The following GALNT13 variants were observed in gnomAD, a reference collection of about 807,000 sequenced individuals.
GALNT13 encodes polypeptide N-acetylgalactosaminyltransferase 13.
Under a neutral mutation model 64.2 loss-of-function variants are expected in GALNT13, and 28 were observed. That is an observed-to-expected ratio of 0.44 (90% confidence interval 0.32 to 0.60). The LOEUF (loss-of-function observed/expected upper bound fraction) is 0.60. GALNT13 is among the 20% of genes least tolerant of loss of function. The pLI is 0.05. For missense variants in GALNT13, 577 were observed against 669.8 expected, an observed-to-expected ratio of 0.86 and a Z score of 1.53; for synonymous variants, 214 against 224.6, an observed-to-expected ratio of 0.95 and a Z score of 0.42.
At chr2:154,058,312 TG>T (rs1229470846) in intron 3 of GALNT13, among the ~76,000 whole-genome samples, 2 of 152,184 alleles carry the variant, frequency 1.3e-5, no homozygotes, top group African/African-American at 4.8e-5. Context: ...AAATTTCTGT[TG>T]TAAAAGCCAC....
At chr2:153,239,971 T>C in the GALNT13 span, among the ~76,000 whole-genome samples, 6 of 152,164 alleles carry the variant, frequency 3.9e-5, no homozygotes, top group Non-Finnish European at 4.4e-5. Flanking sequence ...ACAGGGAGAC[T>C]TTGTGTTACA....
the GALNT13 span, among the ~76,000 whole-genome samples, chr2:153,392,321 A>C: frequency 1.3e-5 from 2 of 151,804 alleles, no homozygotes; most frequent in African/African-American, 4.8e-5. Flanking sequence ...CACTAAGAAA[A>C]AAAATGAAAT....
chr2:154,269,602 A>C (rs984746676), intron 8 of GALNT13, among the ~76,000 whole-genome samples: 9 of 151,788 alleles, frequency 5.9e-5, no homozygotes, highest in Admixed American at 4.6e-4. Context: ...ATGTGTGTGT[A>C]GTCTCCACAA....
chr2:153,122,443 G>A, the GALNT13 span, among the ~76,000 whole-genome samples: 3 of 152,126 alleles, frequency 2.0e-5, no homozygotes, highest in Non-Finnish European at 4.4e-5. Flanking sequence ...GTTCAGAGTC[G>A]ATTTACAGTC....
chr2:153,306,021 G>A, the GALNT13 span, among the ~76,000 whole-genome samples: 9 of 152,176 alleles, frequency 5.9e-5, no homozygotes, highest in East Asian at 1.5e-3. Context: ...GCACCCAGTC[G>A]AGCATGTGGC....
upstream of GALNT13, among the ~76,000 whole-genome samples, chr2:153,869,629 A>G (rs1310419535): frequency 6.6e-6 from 1 of 152,134 alleles, no homozygotes; most frequent in Non-Finnish European, 1.5e-5. Context: ...TGGTCCCATT[A>G]TTGGTGACTT....
At chr2:154,179,220 T>A (rs1685822624) in intron 4 of GALNT13, among the ~76,000 whole-genome samples, 1 of 152,182 alleles carries the variant, frequency 6.6e-6, no homozygotes, top group African/African-American at 2.4e-5. Flanking sequence ...TATAGTTTAT[T>A]ATGGTTAATT....
At chr2:153,250,360 G>A in the GALNT13 span, among the ~76,000 whole-genome samples, 5 of 152,032 alleles carry the variant, frequency 3.3e-5, no homozygotes, top group African/African-American at 1.2e-4. Flanking sequence ...TTAGAATGGT[G>A]ATTATTAAAT....
At chr2:153,562,060 C>CTCTGTGTGTGTGTGTGTGTG in the GALNT13 span, among the ~76,000 whole-genome samples, 349 of 118,932 alleles carry the variant, frequency 2.9e-3, 1 homozygote, top group South Asian at 5.2e-3. Context: ...CTCTCTCTCT[C>CTCTGTGTGTGTGTGTGTGTG]TGTGTGTGTG....
chr2:154,018,737 A>T (rs1340906705), intron 3 of GALNT13, among the ~76,000 whole-genome samples: 1 of 151,020 alleles, frequency 6.6e-6, no homozygotes, highest in African/African-American at 2.4e-5. Context: ...AGAATGATGA[A>T]GAGGGCGAGG....
chr2:153,962,542 G>A (rs11899903), intron 3 of GALNT13, among the ~76,000 whole-genome samples: 117,503 of 152,104 alleles, frequency 0.77, 45,801 homozygotes, highest in East Asian at 0.96. Context: ...AATTCAATCA[G>A]AAAGGAAAAC....
intron 9 of GALNT13, among the ~76,000 whole-genome samples, chr2:154,377,528 G>A (rs182837193): frequency 1.8e-4 from 28 of 152,220 alleles, no homozygotes; most frequent in African/African-American, 5.8e-4. Context: ...AGGAAGAACC[G>A]CTCATAGGCT....
At chr2:153,981,296 C>G (rs1459232430) in intron 3 of GALNT13, among the ~76,000 whole-genome samples, 1 of 151,924 alleles carries the variant, frequency 6.6e-6, no homozygotes, top group Non-Finnish European at 1.5e-5. Flanking sequence ...ATACATGTGC[C>G]ATGTTGGTGT....
the GALNT13 span, among the ~76,000 whole-genome samples, chr2:153,823,540 T>C: frequency 6.6e-6 from 1 of 152,168 alleles, no homozygotes; most frequent in Admixed American, 6.5e-5. Context: ...ATTCAATAAA[T>C]GATGCTGGGA....
At chr2:153,208,489 AT>A in the GALNT13 span, among the ~76,000 whole-genome samples, 23,387 of 151,366 alleles carry the variant, frequency 0.15, 1,919 homozygotes, top group Non-Finnish European at 0.18. Context: ...ATGTTAGTGG[AT>A]TTTTTTTTCA....
At chr2:154,128,145 A>G (rs138521911) in intron 3 of GALNT13, among the ~76,000 whole-genome samples, 1 of 152,148 alleles carries the variant, frequency 6.6e-6, no homozygotes, top group African/African-American at 2.4e-5. Context: ...GAGAAAGAGT[A>G]TGTTCATTTA....
chr2:153,687,246 A>G, the GALNT13 span, among the ~76,000 whole-genome samples: 2 of 151,996 alleles, frequency 1.3e-5, no homozygotes, highest in African/African-American at 4.8e-5. Context: ...CACCTGATAG[A>G]ATTCAGCTGT....
At chr2:153,984,440 G>A (rs1694663449) in intron 3 of GALNT13, among the ~76,000 whole-genome samples, 3 of 151,642 alleles carry the variant, frequency 2.0e-5, no homozygotes. Flanking sequence ...TCCTAACAGT[G>A]AAATTTGGAG....
chr2:153,368,130 C>T, the GALNT13 span, among the ~76,000 whole-genome samples: 1 of 152,028 alleles, frequency 6.6e-6, no homozygotes, highest in Non-Finnish European at 1.5e-5. Flanking sequence ...ATCTATGTGC[C>T]ATGCAGACAC....
Sources: allele counts gnomAD v4.1 joint callset (sites outside exome capture counted in the v4.1 genomes callset), GRCh38; gene constraint gnomAD v4.1.1; transcripts MANE v1.5; gene names NCBI Gene and HGNC (gene_info 2026-07-23, HGNC 2026-07-21).